The following ALK variants were observed in gnomAD, a reference collection of about 807,000 sequenced individuals.
The protein encoded by ALK is ALK receptor tyrosine kinase.
Under a neutral mutation model 163.1 loss-of-function variants are expected in ALK, and 74 were observed. The ratio of observed to expected loss-of-function variants is 0.45; its 90% CI spans 0.38 to 0.55. ALK has a LOEUF of 0.55. ALK is among the 20% of genes least tolerant of loss of function. The pLI, the probability that ALK is intolerant of heterozygous loss-of-function variation, is 0.00. For synonymous variants in ALK, 960 were observed against 843.2 expected (o/e 1.14, Z -2.40); for missense variants, 2,063 against 2,105.3 (o/e 0.98, Z 0.39).
At chr2:29,818,287 T>A (rs895551789) in intron 1 of ALK, among the ~76,000 whole-genome samples, 2 of 152,242 alleles carry the variant, frequency 1.3e-5, no homozygotes, top group Non-Finnish European at 2.9e-5. Flanking sequence ...TGAAGCAATT[T>A]GGTCATTATA....
chr2:29,327,970 G>A (rs976872011), intron 6 of ALK, among the ~76,000 whole-genome samples: 3 of 152,162 alleles, frequency 2.0e-5, no homozygotes, highest in African/African-American at 4.8e-5. Context: ...GAGCTGGGGT[G>A]CATGGAGGAG....
intron 1 of ALK, among the ~76,000 whole-genome samples, chr2:29,731,081 C>G (rs1042066017): frequency 6.6e-6 from 1 of 152,150 alleles, no homozygotes; most frequent in African/African-American, 2.4e-5. Flanking sequence ...GATCTGAGAG[C>G]GCCTCAGAAA....
intron 1 of ALK, among the ~76,000 whole-genome samples, chr2:29,771,239 A>G (rs1681014301): frequency 6.6e-6 from 1 of 152,168 alleles, no homozygotes; most frequent in South Asian, 2.1e-4. Context: ...CCACAAAACA[A>G]TTCAAAAAAA....
chr2:29,720,073 T>C (rs1469006875), intron 1 of ALK, among the ~76,000 whole-genome samples: 1 of 152,064 alleles, frequency 6.6e-6, no homozygotes, highest in Non-Finnish European at 1.5e-5. Flanking sequence ...AGTTTGGGAA[T>C]GATATTAACT....
intron 4 of ALK, among the ~76,000 whole-genome samples, chr2:29,393,294 C>T (rs1466572257): frequency 2.0e-5 from 3 of 152,194 alleles, no homozygotes. Flanking sequence ...CTGTCTCTCG[C>T]CCCTCTTTCT....
At chr2:29,240,906 A>G (rs937075024) in intron 12 of ALK, among the ~76,000 whole-genome samples, 4 of 152,232 alleles carry the variant, frequency 2.6e-5, no homozygotes, top group African/African-American at 9.6e-5. Flanking sequence ...GATGCAAGGC[A>G]GTTTTGCCCA....
intron 4 of ALK, among the ~76,000 whole-genome samples, chr2:29,487,344 C>T (rs1671799911): frequency 6.6e-6 from 1 of 152,086 alleles, no homozygotes; most frequent in Non-Finnish European, 1.5e-5. Flanking sequence ...AACCCCCATA[C>T]CCCCAGACAG....
At position 29,217,129 on chromosome 2, in the gene ALK, G is replaced by GGT. The variant is rs146323322; in HGVS notation, c.3646-3050_3646-3049dup. 6.9e-3 allele frequency among the ~76,000 whole-genome samples: 959 copies of GGT among 138,446 alleles called. 12 individuals are homozygous for GGT. Among genetic ancestry groups the GGT allele is most frequent in the African/African-American group, 0.024 (905 of 36,958 alleles). 90.8% of individuals were successfully genotyped at this position (138,446 alleles called of 152,430 possible). A position where few individuals can be genotyped will look rare whatever the true frequency, so the allele number is the denominator to read the frequency against. ...GTGTCTGTGGGGGGGGGGCGTGTGT[G>GGT]GTGTGTGTGTGTGTGTGTGTAGTGT... On this transcript the variant is annotated intron_variant, in intron 23 of 28. Transcript: ENST00000389048.
chr2:29,245,415 CGT>C (rs1664640417), intron 12 of ALK, among the ~76,000 whole-genome samples: 10 of 134,336 alleles, frequency 7.4e-5, no homozygotes, highest in Non-Finnish European at 1.1e-4. Context: ...GTGCCCTGCA[CGT>C]AGTAGGGGCT....
chr2:29,731,007 C>T (rs950166649), intron 1 of ALK, among the ~76,000 whole-genome samples: 1 of 152,188 alleles, frequency 6.6e-6, no homozygotes, highest in East Asian at 1.9e-4. Flanking sequence ...CAGTGCTTGT[C>T]GCCAACACTG....
chr2:29,429,922 T>C (rs528350271), intron 4 of ALK, among the ~76,000 whole-genome samples: 3 of 152,228 alleles, frequency 2.0e-5, no homozygotes, highest in South Asian at 2.1e-4. Flanking sequence ...AAATTTGTGG[T>C]TGAGTCTTGA....
chr2:29,416,241 G>T (rs183591321), intron 4 of ALK, among the ~76,000 whole-genome samples: 349 of 152,350 alleles, frequency 2.3e-3, no homozygotes, highest in Non-Finnish European at 3.9e-3. Flanking sequence ...GATGGGCACA[G>T]AGACATCTCT....
chr2:29,454,051 C>T (rs545782203), intron 4 of ALK, among the ~76,000 whole-genome samples: 6 of 152,236 alleles, frequency 3.9e-5, no homozygotes, highest in South Asian at 4.1e-4. Context: ...CTTTGGCTAC[C>T]GGATGGAACT....
chr2:29,233,857 G>A (rs1017157686), intron 13 of ALK, among the ~76,000 whole-genome samples, 161 bp from the exon 14 acceptor site: 3 of 152,192 alleles, frequency 2.0e-5, no homozygotes, highest in African/African-American at 4.8e-5. Flanking sequence ...GTCACTCTGG[G>A]CAGTGTTAGG....
chr2:29,491,313 T>C (rs1266973652), intron 4 of ALK, among the ~76,000 whole-genome samples: 2 of 152,236 alleles, frequency 1.3e-5, no homozygotes, highest in East Asian at 3.9e-4. Context: ...TCAGAGTGCC[T>C]AGAACAGGGC....
chr2:29,781,873 C>T (rs1681339773), intron 1 of ALK, among the ~76,000 whole-genome samples: 1 of 152,172 alleles, frequency 6.6e-6, no homozygotes, highest in Admixed American at 6.5e-5. Context: ...GTATGAACTG[C>T]CCACAGGGAG....
At chr2:29,670,491 G>A (rs912257580) in intron 3 of ALK, among the ~76,000 whole-genome samples, 4 of 151,858 alleles carry the variant, frequency 2.6e-5, no homozygotes, top group Admixed American at 2.6e-4. Flanking sequence ...TATATACCTT[G>A]GTGTGGTCTT....
intron 26 of ALK, 81 bp from the exon 27 acceptor site, chr2:29,197,757 A>G: frequency 1.6e-6 from 2 of 1,222,768 alleles, no homozygotes; most frequent in Non-Finnish European, 2.4e-6. Context: ...ACACAGACAT[A>G]CAATTTCAAC....
At chr2:29,208,781 T>C (rs1669382996) in intron 25 of ALK, among the ~76,000 whole-genome samples, 2 of 152,030 alleles carry the variant, frequency 1.3e-5, no homozygotes, top group African/African-American at 4.8e-5. Context: ...GGGGTCATCC[T>C]GTGCAAGGAG....
Sources: allele counts gnomAD v4.1 joint callset (sites outside exome capture counted in the v4.1 genomes callset), GRCh38; gene constraint gnomAD v4.1.1; transcripts MANE v1.5; gene names NCBI Gene and HGNC (gene_info 2026-07-23, HGNC 2026-07-21).